Variants in ADGRD1 observed in about 807,000 individuals in gnomAD.
The protein encoded by ADGRD1 is G-protein coupled receptor 133.
In ADGRD1, 77 loss-of-function variants were observed where a neutral mutation model predicts 113.4. The ratio of observed to expected loss-of-function variants is 0.68; its 90% CI spans 0.57 to 0.82. The LOEUF (loss-of-function observed/expected upper bound fraction) is 0.82. ADGRD1 is among the 40% of genes least tolerant of loss of function. The pLI, the probability that ADGRD1 is intolerant of heterozygous loss-of-function variation, is 0.00. For synonymous variants in ADGRD1, 474 were observed against 475.0 expected, an observed-to-expected ratio of 1.00 and a Z score of 0.03; for missense variants, 1,036 against 1,139.1, an observed-to-expected ratio of 0.91 and a Z score of 1.30.
chr12:131,136,468 G>A (rs977957775), intron 22 of ADGRD1, among the ~76,000 whole-genome samples: 2 of 152,208 alleles, frequency 1.3e-5, no homozygotes, highest in Non-Finnish European at 1.5e-5. Context: ...GCAGAGAGGT[G>A]GCCAGGGCGG....
rs1464064942 is a variant in ADGRD1, at chr12:131,027,035, G to C, written c.1473+12695G>C. On this transcript the variant is annotated intron_variant, in intron 13 of 24. Transcript: ENST00000261654. This position sits in a 1 kb window ranked among gnomAD's most constrained non-coding sequence, Gnocchi z 5.1. ...TTGGAGGCAGGTACTTTCTCGTAGG[G>C]ATTGTGGCACACAGCTGTTATTTCT... The C allele has an allele frequency of 2.6e-5, 4 of 152,198 alleles. No homozygotes were observed. The highest frequency in any genetic ancestry group is 5.9e-5 in the Non-Finnish European group (4 of 68,042). 9.4% of individuals were successfully genotyped at this position (152,198 alleles called of 1,614,324 possible).
chr12:130,994,182 A>G, intron 8 of ADGRD1: 1 of 402,034 alleles, frequency 2.5e-6, no homozygotes, highest in Middle Eastern at 5.1e-4. Flanking sequence ...GTTGGGTGGA[A>G]AGAGCGGGTA....
intron 8 of ADGRD1, among the ~76,000 whole-genome samples, chr12:130,995,637 T>G (rs1269502951): frequency 1.3e-5 from 2 of 152,204 alleles, no homozygotes; most frequent in African/African-American, 2.4e-5. Flanking sequence ...TCTGTAACCG[T>G]TAGGGTGACT....
Position 131,075,397 on chromosome 12 carries a change from G to A in ADGRD1, c.1474-1404G>A, listed in dbSNP as rs1317614888. 1.3e-5 allele frequency among the ~76,000 whole-genome samples: 2 copies of A among 152,104 alleles called. No individual in the cohort carries two copies. The highest frequency in any genetic ancestry group is 2.4e-5 in the African/African-American group (1 of 41,416). ...GCTGCAGGACACAGGGCCCTCTGTT[G>A]TCTGTGCAAGAGTTCACAGCAGGCT... On this transcript the variant is annotated intron_variant, in intron 13 of 24. Coordinates refer to ENST00000261654, the MANE Select transcript of ADGRD1 (RefSeq NM_198827.5). The surrounding 1 kb of genome is among the most constrained non-coding windows in gnomAD (Gnocchi z 5.3).
chr12:130,966,497 G>T lies in ADGRD1; in HGVS notation c.138G>T (p.Trp46Cys). 6.2e-7 allele frequency: 1 copy of T among 1,611,850 alleles called. No homozygotes were observed. Among genetic ancestry groups the T allele is most frequent in the Non-Finnish European group, 8.5e-7 (1 of 1,177,988 alleles). Residue 46 changes from tryptophan to cysteine, a missense_variant, in exon 3 of 25, where the codon TGG becomes TGT. Transcript: ENST00000261654. The surrounding 1 kb of genome is among the most constrained non-coding windows in gnomAD (Gnocchi z 4.6). Reference sequence around the variant, plus strand: ...TGTTGGCGTCTGCTTCCCATTACTGGCCACTGGAGAATGTGGATGGGATCC... The same window carrying T: ...TGTTGGCGTCTGCTTCCCATTACTGTCCACTGGAGAATGTGGATGGGATCC... ...FQVLASASHY[W>C]PLENVDGIHE...
intron 15 of ADGRD1, among the ~76,000 whole-genome samples, chr12:131,088,633 G>A (rs760850543): frequency 1.3e-5 from 2 of 152,164 alleles, no homozygotes; most frequent in Non-Finnish European, 2.9e-5. Flanking sequence ...ACGCCAGGGC[G>A]GAGGCAGGGG....
At chr12:131,052,971 C>T (rs1443267123) in intron 13 of ADGRD1, among the ~76,000 whole-genome samples, 2 of 152,202 alleles carry the variant, frequency 1.3e-5, no homozygotes, top group Admixed American at 1.3e-4. Flanking sequence ...CAAGGCACCT[C>T]AGCCCCAGTT....
chr12:131,038,040 G>C (rs1458396176), intron 13 of ADGRD1, among the ~76,000 whole-genome samples: 1 of 151,376 alleles, frequency 6.6e-6, no homozygotes, highest in African/African-American at 2.4e-5. Context: ...ACTACACCAG[G>C]CCTCACTCAC....
At chr12:131,002,943 C>T (rs1327713920) in intron 9 of ADGRD1, 16 of 749,800 alleles carry the variant, frequency 2.1e-5, no homozygotes, top group African/African-American at 1.4e-4. Context: ...TGTAGAAATG[C>T]AGGAGCCGGC....
At chr12:131,088,036 G>A (rs1271510101) in intron 15 of ADGRD1, among the ~76,000 whole-genome samples, 1 of 152,162 alleles carries the variant, frequency 6.6e-6, no homozygotes, top group African/African-American at 2.4e-5. Flanking sequence ...CCAGGGCCCG[G>A]CCCACAGGGC....
At chr12:131,120,622 C>T (rs1593248590) in intron 19 of ADGRD1, 1 of 616,598 alleles carries the variant, frequency 1.6e-6, no homozygotes, top group African/African-American at 1.8e-5. Context: ...CTAAACTCTC[C>T]AGAGGTTGCT....
At chr12:131,047,084 G>GTGCTCCCTCCCTGGTCAC (rs1482494819) in intron 13 of ADGRD1, among the ~76,000 whole-genome samples, 1 of 150,332 alleles carries the variant, frequency 6.7e-6, no homozygotes, top group Non-Finnish European at 1.5e-5. Context: ...TCCCTGGTCA[G>GTGCTCCCTCCCTGGTCAC]TGCTCCCTCC....
rs1871023369 is a variant in ADGRD1 at position 130,966,589 on chromosome 12, C to T, written c.187+43C>T. 8.0e-7 allele frequency: 1 copy of T among 1,250,634 alleles called. No individual in the cohort carries two copies. Among genetic ancestry groups the T allele is most frequent in the African/African-American group, 1.5e-5 (1 of 67,926 alleles). The allele number at this position is 1,250,634 out of a possible 1,614,324, so 77.5% of individuals were successfully genotyped here. ...GAGAGCGGCTGTGGGCGCGGGAATC[C>T]CAGGGCCATCAGGAGGCGTGGGTGC... On this transcript the variant is annotated intron_variant, in intron 3 of 24. Transcript: ENST00000261654. This position sits in a 1 kb window ranked among gnomAD's most constrained non-coding sequence, Gnocchi z 4.6.
At chr12:130,963,152 C>G (rs1008756021) in intron 2 of ADGRD1, 1 of 151,952 alleles carries the variant, frequency 6.6e-6, no homozygotes, top group Non-Finnish European at 1.5e-5. Context: ...AACCCCATCT[C>G]TACTACAAAT....
At chr12:131,139,067 T>A (rs1260680750) in intron 24 of ADGRD1, 101 bp from the exon 25 acceptor site, 13 of 830,606 alleles carry the variant, frequency 1.6e-5, no homozygotes. Flanking sequence ...GCAGGGAGAA[T>A]CCTCGGGCAG....
intron 13 of ADGRD1, among the ~76,000 whole-genome samples, chr12:131,049,300 C>G (rs1018546466): frequency 3.9e-5 from 6 of 152,280 alleles, no homozygotes; most frequent in African/African-American, 1.2e-4. Flanking sequence ...GTTGTGAGCC[C>G]TGCGCTGTCA....
rs1394581420 is a variant in ADGRD1 at position 131,139,330 on chromosome 12, C to G, written c.*67C>G. On this transcript the variant is annotated 3_prime_UTR_variant, in exon 25 of 25. Coordinates refer to ENST00000261654, the MANE Select transcript of ADGRD1 (RefSeq NM_198827.5). ...ACCCCCCCAAACAGAATGAAATGCC[C>G]CACCTTTGCCCATGGACCCTCTCCT... 2.7e-6 allele frequency: 3 copies of G among 1,096,286 alleles called. No homozygotes were observed. In the African/African-American group the frequency reaches 4.7e-5, roughly 17 times the overall value. 67.9% of individuals were successfully genotyped at this position (1,096,286 alleles called of 1,614,324 possible).
chr12:130,986,819 G>T (rs1873746179), intron 5 of ADGRD1: 3 of 415,624 alleles, frequency 7.2e-6, no homozygotes, highest in Non-Finnish European at 1.3e-5. Flanking sequence ...ACTTGCTTGT[G>T]GGCATTTGAA....
chr12:130,954,356 TG>T lies in ADGRD1; in HGVS notation c.-108del. The T allele has an allele frequency of 1.0e-6, 1 of 978,196 alleles. No individual in the cohort carries two copies. The highest frequency in any genetic ancestry group is 1.5e-6 in the Non-Finnish European group (1 of 659,646). 60.6% of individuals were successfully genotyped at this position (978,196 alleles called of 1,614,324 possible). A position where few individuals can be genotyped will look rare whatever the true frequency, so the allele number is the denominator to read the frequency against. On this transcript the variant is annotated 5_prime_UTR_variant, in exon 1 of 25. Coordinates refer to ENST00000261654, the MANE Select transcript of ADGRD1 (RefSeq NM_198827.5). The surrounding 1 kb of genome is among the most constrained non-coding windows in gnomAD (Gnocchi z 4.7). ...TTAAGGAGACAGAAATTTTCTCCCC[TG>T]GAACCTGTGAAAATGTCCCTTTTCC... is the stretch of plus-strand genomic sequence containing the variant.
Sources: allele counts gnomAD v4.1 joint callset (sites outside exome capture counted in the v4.1 genomes callset), GRCh38; gene constraint gnomAD v4.1.1; non-coding constraint Gnocchi (gnomAD v3.1); transcripts MANE v1.5; gene names NCBI Gene and HGNC (gene_info 2026-07-23, HGNC 2026-07-21).